The following CHSY1 variants were observed in gnomAD, a reference collection of about 807,000 sequenced individuals.
The protein encoded by CHSY1 is N-acetylgalactosaminyl-proteoglycan 3-beta-glucuronosyltransferase 1.
A neutral mutation model predicts 59.8 loss-of-function variants in CHSY1; 13 were observed. The ratio of observed to expected loss-of-function variants is 0.22; its 90% confidence interval spans 0.14 to 0.35. The LOEUF (loss-of-function observed/expected upper bound fraction) is 0.35, where lower values mean the gene tolerates loss of function less well. Ranked by LOEUF, CHSY1 falls within the 10% of genes least tolerant of loss-of-function variation. The pLI is 1.00. For synonymous variants in CHSY1, 459 were observed against 401.2 expected (o/e 1.14, Z -1.72); for missense variants, 947 against 1,030.6 (o/e 0.92, Z 1.11).
At chr15:101,191,802 G>A (rs551786246) in intron 2 of CHSY1, among the ~76,000 whole-genome samples, 38 of 152,012 alleles carry the variant, frequency 2.5e-4, no homozygotes, top group Non-Finnish European at 4.4e-4. Flanking sequence ...TCTATGTTAA[G>A]TAGATTGTAG....
At chr15:101,230,334 C>T (rs144132830) in intron 2 of CHSY1, among the ~76,000 whole-genome samples, 316 of 152,248 alleles carry the variant, frequency 2.1e-3, no homozygotes, top group Non-Finnish European at 3.6e-3. Flanking sequence ...GCGAGTTTAA[C>T]GGGCAGCCTA....
intron 2 of CHSY1, 142 bp from the exon 3 acceptor site, chr15:101,179,122 C>A: frequency 1.3e-6 from 1 of 790,038 alleles, no homozygotes; most frequent in South Asian, 1.5e-5. Flanking sequence ...CGATCAACAG[C>A]AGTCCAATGT....
Position 101,178,232 on chromosome 15 carries a change from G to C in CHSY1, c.1565C>G (p.Ser522Trp), listed in dbSNP as rs751688006. Residue 522 changes from serine (S) to tryptophan (W), a missense_variant, in exon 3 of 3, where the codon TCG (serine) becomes TGG (tryptophan). Physicochemically the swap from Ser to Trp is radical, Grantham distance 177. Transcript: ENST00000254190. ...KKLVPFQLPGSKSEHKEPKDK... is the reference protein window; with the variant it reads ...KKLVPFQLPGWKSEHKEPKDK... The stretch of plus-strand genomic sequence containing the variant: ...TTTGGGTTCTTTGTGCTCACTCTTC[G>C]ACCCAGGGAGCTGAAAGGGGACGAG... The C allele has an allele frequency of 4.3e-6, 7 of 1,613,996 alleles. No homozygotes were observed. The highest frequency in any genetic ancestry group is 2.7e-5 in the African/African-American group (2 of 74,898).
intron 1 of CHSY1, among the ~76,000 whole-genome samples, chr15:101,239,483 C>T (rs2038980014): frequency 6.6e-6 from 1 of 152,252 alleles, no homozygotes; most frequent in South Asian, 2.1e-4. Context: ...GGACAAGTTA[C>T]TCTGTGCCTC....
chr15:101,209,070 C>T (rs1054204952), intron 2 of CHSY1, among the ~76,000 whole-genome samples: 2 of 152,166 alleles, frequency 1.3e-5, no homozygotes, highest in African/African-American at 4.8e-5. Context: ...CACAATGACA[C>T]TCACTAAATA....
Position 101,175,824 on chromosome 15 carries a change from T to C in CHSY1, c.*1564A>G, listed in dbSNP as rs940905950. On this transcript the variant is annotated 3_prime_UTR_variant, in exon 3 of 3. Transcript: ENST00000254190. The stretch of plus-strand genomic sequence containing the variant: ...GTTCGAAAAGTACAATAGAAAAATA[T>C]TGTTCACTGGTTTATTTTTCCAAAT... 1 of 155,588 alleles carries C rather than the reference T, an allele frequency of 6.4e-6. No homozygotes were observed. Among genetic ancestry groups the C allele is most frequent in the Non-Finnish European group, 1.4e-5 (1 of 70,288 alleles). 9.6% of individuals were successfully genotyped at this position (155,588 alleles called of 1,614,324 possible). A position where few individuals can be genotyped will look rare whatever the true frequency, so the allele number is the denominator to read the frequency against.
chr15:101,234,968 A>G (rs2038926526), intron 2 of CHSY1, 114 bp downstream of exon 2: 1 of 1,366,198 alleles, frequency 7.3e-7, no homozygotes, highest in Admixed American at 1.8e-5. Context: ...GTAGAATAAT[A>G]CCAACTTCAA....
At chr15:101,188,221 T>C (rs2038396080) in intron 2 of CHSY1, 1 of 984,026 alleles carries the variant, frequency 1.0e-6, no homozygotes, top group African/African-American at 1.7e-5. Context: ...CCTTTTGTCC[T>C]GAAAAGTGGT....
chr15:101,222,878 C>T (rs973827496), intron 2 of CHSY1, among the ~76,000 whole-genome samples: 6 of 152,298 alleles, frequency 3.9e-5, no homozygotes, highest in East Asian at 1.9e-4. Flanking sequence ...TCAGGAGCCT[C>T]GAGTCACCCT....
At chr15:101,224,850 C>A (rs2038824199) in intron 2 of CHSY1, among the ~76,000 whole-genome samples, 1 of 152,224 alleles carries the variant, frequency 6.6e-6, no homozygotes, top group African/African-American at 2.4e-5. Flanking sequence ...TTTTCAAACA[C>A]CAGACTCTTA....
At chr15:101,211,964 C>T (rs996287277) in intron 2 of CHSY1, among the ~76,000 whole-genome samples, 4 of 149,690 alleles carry the variant, frequency 2.7e-5, no homozygotes, top group Admixed American at 2.0e-4. Flanking sequence ...AGGAGAACAA[C>T]TTCAAGACTT....
intron 2 of CHSY1, among the ~76,000 whole-genome samples, chr15:101,217,644 G>A (rs754285765): frequency 6.6e-6 from 1 of 152,188 alleles, no homozygotes; most frequent in Non-Finnish European, 1.5e-5. Flanking sequence ...GCAACTGAAA[G>A]AGCACCCAGT....
rs771844402 is a variant in CHSY1, at chr15:101,177,673, G to C, written c.2124C>G (p.Gly708=). ...CCCAGCCTTGGATGGAAACATCAAA[G>C]CCACCCACTCGGACAAGATCTCCCT... ...IYKGDLVRVG[G]FDVSIQGWGL... The change falls in exon 3 of 3, where the codon GGC becomes GGG. Residue 708 remains glycine (G), a synonymous_variant. Transcript: ENST00000254190. 6.2e-7 allele frequency: 1 copy of C among 1,614,182 alleles called. No homozygotes were observed. The highest frequency in any genetic ancestry group is 8.5e-7 in the Non-Finnish European group (1 of 1,180,032).
chr15:101,186,772 A>G (rs1172976857), intron 2 of CHSY1: 2 of 152,250 alleles, frequency 1.3e-5, no homozygotes, highest in African/African-American at 4.8e-5. Context: ...ACTGCACTCC[A>G]GCCTAGGTGA....
intron 2 of CHSY1, chr15:101,189,454 G>A: frequency 1.0e-6 from 1 of 985,556 alleles, no homozygotes; most frequent in East Asian, 1.1e-4. Context: ...TAAGCCAGAA[G>A]GGATGGAGCT....
chr15:101,182,201 G>C (rs2038289690), intron 2 of CHSY1, among the ~76,000 whole-genome samples: 1 of 152,216 alleles, frequency 6.6e-6, no homozygotes, highest in Non-Finnish European at 1.5e-5. Flanking sequence ...AGCATGGTTA[G>C]TGGTACTTCA....
intron 2 of CHSY1, among the ~76,000 whole-genome samples, chr15:101,196,216 C>T (rs1383490833): frequency 3.6e-5 from 5 of 138,542 alleles, no homozygotes; most frequent in African/African-American, 8.2e-5. Flanking sequence ...GGTGACAGAG[C>T]GAGAAGCAGT....
At chr15:101,220,213 A>T (rs2038775187) in intron 2 of CHSY1, among the ~76,000 whole-genome samples, 1 of 152,096 alleles carries the variant, frequency 6.6e-6, no homozygotes, top group Non-Finnish European at 1.5e-5. Context: ...CTCCTATTTC[A>T]TTGGCCTCCC....
At chr15:101,192,126 C>T (rs1000389220) in intron 2 of CHSY1, among the ~76,000 whole-genome samples, 3 of 152,246 alleles carry the variant, frequency 2.0e-5, no homozygotes, top group Non-Finnish European at 4.4e-5. Flanking sequence ...TCTCTCTCAA[C>T]ACACTCATTT....
Sources: gnomAD v4.1 joint callset for allele counts (sites outside exome capture counted in the v4.1 genomes callset) on GRCh38, gnomAD v4.1.1 for gene constraint, MANE v1.5 for transcripts, NCBI Gene and HGNC (gene_info 2026-07-23, HGNC 2026-07-21) for gene names.